The following ECSIT variants were observed in gnomAD, a reference collection of about 807,000 sequenced individuals.
The protein encoded by ECSIT is evolutionarily conserved signaling intermediate in Toll pathway, mitochondrial.
ECSIT carries 29 observed loss-of-function variants against 36.8 expected under a neutral mutation model. The observed-to-expected ratio is 0.79, with a 90% CI of 0.59 to 1.08. The LOEUF (loss-of-function observed/expected upper bound fraction) is 1.08. Ranked by LOEUF, ECSIT falls within the 50% of genes least tolerant of loss-of-function variation. The pLI is 0.00. For missense variants in ECSIT, 542 were observed against 581.0 expected, an observed-to-expected ratio of 0.93 and a Z score of 0.69; for synonymous variants, 231 against 234.8, an observed-to-expected ratio of 0.98 and a Z score of 0.15.
At chr19:11,522,436 C>T in intron 1 of ECSIT, 1 of 1,455,704 alleles carries the variant, frequency 6.9e-7, no homozygotes, top group Non-Finnish European at 9.5e-7. Flanking sequence ...GCTGCCCCAC[C>T]AGGTCCTGCG....
At chr19:11,528,199 A>C (rs909852052) in intron 1 of ECSIT, among the ~76,000 whole-genome samples, 2 of 152,154 alleles carry the variant, frequency 1.3e-5, no homozygotes, top group African/African-American at 4.8e-5. Context: ...ATTTCAATGA[A>C]AGGTCTTCTT....
chr19:11,511,123 G>A (rs1214559002), intron 4 of ECSIT, among the ~76,000 whole-genome samples: 1 of 152,076 alleles, frequency 6.6e-6, no homozygotes, highest in East Asian at 1.9e-4. Context: ...AGCACCCCGG[G>A]CTTCTCCATC....
Position 11,528,377 on chromosome 19 carries a change from G to C in ECSIT, c.-24+685C>G, listed in dbSNP as rs543983432. ...AGCAATCCTCCCACCTCAGCTTCCC[G>C]AGTAGCTAGGACTACAGGCGTGCAC... is the stretch of plus-strand genomic sequence containing the variant. On this transcript the variant is annotated intron_variant, in intron 1 of 7. Transcript: ENST00000270517. Among the ~76,000 whole-genome samples the C allele has an allele frequency of 9.2e-5, 14 of 152,154 alleles. No homozygotes were observed. In the South Asian group the frequency reaches 2.1e-3, roughly 23 times the overall value.
chr19:11,506,372 T>C lies in ECSIT; in HGVS notation c.1108A>G (p.Met370Val). 1.9e-6 allele frequency: 3 copies of C among 1,613,666 alleles called. No individual in the cohort carries two copies. Among genetic ancestry groups the C allele is most frequent in the Non-Finnish European group, 2.5e-6 (3 of 1,179,908 alleles). Residue 370 changes from methionine (M) to valine (V), a missense_variant, in exon 8 of 8, where the codon ATG (methionine) becomes GTG (valine). Met to Val is a conservative substitution (Grantham distance 21). Transcript: ENST00000270517. The part of the protein sequence containing the change: ...CMAGAHDQAT[M>V]AKWIQGLQET... ...TGCAGGCCCTGGATCCACTTAGCCA[T>C]CGTCGCCTGGTCATGAGCACCCGCC...
intron 3 of ECSIT, 154 bp from the exon 4 acceptor site, chr19:11,513,433 C>G: frequency 1.2e-6 from 1 of 805,924 alleles, no homozygotes; most frequent in Non-Finnish European, 2.1e-6. Flanking sequence ...GCCTGTAATC[C>G]CAGCACATTG....
chr19:11,526,026 GC>G, intron 1 of ECSIT, among the ~76,000 whole-genome samples: 1 of 151,474 alleles, frequency 6.6e-6, no homozygotes, highest in East Asian at 2.0e-4. Flanking sequence ...GTGCAGTGGT[GC>G]AATCTTGGCT....
chr19:11,518,187 G>T (rs1972034245), intron 2 of ECSIT, among the ~76,000 whole-genome samples: 1 of 152,152 alleles, frequency 6.6e-6, no homozygotes, highest in Admixed American at 6.6e-5. Flanking sequence ...AGCACTCTGG[G>T]AGGCCGAGGC....
intron 4 of ECSIT, among the ~76,000 whole-genome samples, chr19:11,508,902 T>C (rs1971813815): frequency 6.6e-6 from 1 of 152,122 alleles, no homozygotes; most frequent in Non-Finnish European, 1.5e-5. Context: ...TGCTCAGTGC[T>C]TGTGAATTAA....
At chr19:11,508,630 A>G (rs1971808317) in intron 4 of ECSIT, among the ~76,000 whole-genome samples, 1 of 151,738 alleles carries the variant, frequency 6.6e-6, no homozygotes, top group Non-Finnish European at 1.5e-5. Context: ...TCGGCTCACT[A>G]TAGCCTCCGC....
chr19:11,514,227 G>A lies in ECSIT; in HGVS notation c.97-6C>T. The A allele has an allele frequency of 6.3e-7, 1 of 1,596,142 alleles. No individual in the cohort carries two copies. The highest frequency in any genetic ancestry group is 8.5e-7 in the Non-Finnish European group (1 of 1,171,896). On this transcript the variant is annotated splice_region_variant and splice_polypyrimidine_tract_variant and intron_variant, in intron 2 of 7. Transcript: ENST00000270517. ...CGAGGGAGCCGGCGAGGGACCTGGG[G>A]AGGGAGGAGAACTGCTGGAATCTGG...
chr19:11,508,383 A>AT (rs34929827), intron 4 of ECSIT, among the ~76,000 whole-genome samples: 2,167 of 123,850 alleles, frequency 0.017, 54 homozygotes, highest in Non-Finnish European at 0.023. Context: ...CTTAATTCCG[A>AT]TTTTTTTTTT....
chr19:11,528,707 C>T (rs1401084095), intron 1 of ECSIT: 1 of 152,236 alleles, frequency 6.6e-6, no homozygotes, highest in Non-Finnish European at 1.5e-5. Flanking sequence ...TTCAAAAAAA[C>T]ACCTATAAAT....
intron 1 of ECSIT, among the ~76,000 whole-genome samples, chr19:11,526,829 C>T (rs1972225479): frequency 6.6e-6 from 1 of 151,428 alleles, no homozygotes; most frequent in South Asian, 2.1e-4. Context: ...AGTTGGTTCT[C>T]ATGCCTCAGC....
chr19:11,513,947 C>T lies in ECSIT; in HGVS notation c.371G>A (p.Arg124Gln), dbSNP rs763646137. Residue 124 changes from arginine (R) to glutamine (Q), a missense_variant, in exon 3 of 8, where the codon CGG (arginine) becomes CAG (glutamine). Arg to Gln is a conservative substitution (Grantham distance 43). Transcript: ENST00000270517. Reference protein sequence around the residue: ...LRKMREYGVERDLAVYNQLLN... With the variant: ...LRKMREYGVEQDLAVYNQLLN... The stretch of plus-strand genomic sequence containing the variant: ...CAGCTGGTTGTACACAGCCAGGTCC[C>T]GCTCGACACCATACTCCCGCATCTT... The T allele has an allele frequency of 3.2e-5, 52 of 1,614,086 alleles. No homozygotes were observed. The East Asian group carries it at 9.8e-4, about 30-fold the overall frequency.
chr19:11,519,141 G>C lies in ECSIT; in HGVS notation c.30C>G (p.Ala10=). The part of the protein sequence containing the change: MSWVQATLL[A]RGLCRAWGGT... ...CTCCCCAGGCCCTACAGAGGCCTCG[G>C]GCCAGTAGGGTGGCCTGGACCCAGC... Residue 10 remains alanine, a synonymous_variant, in exon 2 of 8, where the codon GCC becomes GCG. Transcript: ENST00000270517. This position sits in a 1 kb window ranked among gnomAD's most constrained non-coding sequence, Gnocchi z 4.4. The C allele has an allele frequency of 1.3e-6, 2 of 1,550,516 alleles. No individual in the cohort carries two copies. The highest frequency in any genetic ancestry group is 1.7e-6 in the Non-Finnish European group (2 of 1,146,962).
intron 4 of ECSIT, among the ~76,000 whole-genome samples, chr19:11,509,945 C>T (rs554162700): frequency 6.6e-6 from 1 of 151,778 alleles, no homozygotes; most frequent in African/African-American, 2.4e-5. Flanking sequence ...TCTCGGCTCA[C>T]TGCAACCTCC....
chr19:11,525,961 G>A (rs1255455297), intron 1 of ECSIT, among the ~76,000 whole-genome samples: 1 of 151,400 alleles, frequency 6.6e-6, no homozygotes, highest in Non-Finnish European at 1.5e-5. Context: ...TACTGAACTG[G>A]AATCTGCATT....
intron 2 of ECSIT, among the ~76,000 whole-genome samples, chr19:11,517,590 C>T (rs1307344599): frequency 6.6e-6 from 1 of 151,810 alleles, no homozygotes; most frequent in East Asian, 1.9e-4. Flanking sequence ...AGGGAGACTC[C>T]ATCTCAAAAA....
chr19:11,510,060 A>T (rs1392181049), intron 4 of ECSIT, among the ~76,000 whole-genome samples: 2 of 152,064 alleles, frequency 1.3e-5, no homozygotes, highest in East Asian at 2.0e-4. Context: ...TTTAGTAGAG[A>T]CGAGGTTTCT....
Sources: allele counts gnomAD v4.1 joint callset (sites outside exome capture counted in the v4.1 genomes callset), GRCh38; gene constraint gnomAD v4.1.1; non-coding constraint Gnocchi (gnomAD v3.1); transcripts MANE v1.5; gene names NCBI Gene and HGNC (gene_info 2026-07-23, HGNC 2026-07-21).